ELAVL2: variants seen among roughly 807,000 people sequenced by gnomAD.
ELAVL2 encodes ELAV-like protein 2.
A neutral mutation model predicts 34.6 loss-of-function variants in ELAVL2; 4 were observed. The observed-to-expected ratio is 0.12, with a 90% CI of 0.06 to 0.26. ELAVL2 has a LOEUF of 0.26. Ranked by LOEUF, ELAVL2 falls within the 10% of genes least tolerant of loss-of-function variation. The pLI, the probability that ELAVL2 is intolerant of heterozygous loss-of-function variation, is 1.00. For synonymous variants in ELAVL2, 193 were observed against 154.8 expected (o/e 1.25, Z -1.83); for missense variants, 432 against 442.8 (o/e 0.98, Z 0.22).
At chr9:23,726,841 A>C (rs2134309888) in intron 3 of ELAVL2, among the ~76,000 whole-genome samples, 1 of 152,228 alleles carries the variant, frequency 6.6e-6, no homozygotes, top group African/African-American at 2.4e-5. Flanking sequence ...AAGACCCCTA[A>C]AAATAAAATG....
At chr9:23,834,093 A>G in the ELAVL2 span, among the ~76,000 whole-genome samples, 1 of 152,034 alleles carries the variant, frequency 6.6e-6, no homozygotes, top group East Asian at 1.9e-4. Context: ...ATTAGAGACA[A>G]TAAATGCTTG....
At chr9:23,790,664 C>G (rs1448945971) in intron 1 of ELAVL2, among the ~76,000 whole-genome samples, 1 of 152,186 alleles carries the variant, frequency 6.6e-6, no homozygotes, top group Admixed American at 6.5e-5. Context: ...GAGCAAATAA[C>G]TATAAACTGA....
At chr9:23,781,620 T>A (rs914900381) in intron 1 of ELAVL2, among the ~76,000 whole-genome samples, 1 of 150,892 alleles carries the variant, frequency 6.6e-6, no homozygotes, top group African/African-American at 2.4e-5. Flanking sequence ...GCTCAAGGGA[T>A]CCTCCTACCT....
chr9:23,738,992 A>G (rs952089406), intron 2 of ELAVL2, among the ~76,000 whole-genome samples: 1 of 152,108 alleles, frequency 6.6e-6, no homozygotes, highest in African/African-American at 2.4e-5. Flanking sequence ...AATATATCAC[A>G]TTTTCAGACA....
chr9:23,756,653 T>C (rs2053633038), intron 2 of ELAVL2, among the ~76,000 whole-genome samples: 1 of 152,174 alleles, frequency 6.6e-6, no homozygotes, highest in Non-Finnish European at 1.5e-5. Flanking sequence ...ACATGTCTAG[T>C]TCTGAAAGCT....
At chr9:23,770,590 G>A (rs1202913218) in intron 1 of ELAVL2, among the ~76,000 whole-genome samples, 1 of 152,094 alleles carries the variant, frequency 6.6e-6, no homozygotes, top group South Asian at 2.1e-4. Flanking sequence ...AGAAGAAATC[G>A]AAAGGACATT....
intron 1 of ELAVL2, among the ~76,000 whole-genome samples, chr9:23,768,636 T>C (rs1333915891): frequency 6.6e-6 from 1 of 152,116 alleles, no homozygotes; most frequent in Non-Finnish European, 1.5e-5. Flanking sequence ...ATTCCTATTA[T>C]ATGGTAAAAG....
intron 1 of ELAVL2, among the ~76,000 whole-genome samples, chr9:23,807,614 G>T (rs996273353): frequency 2.0e-5 from 3 of 151,956 alleles, no homozygotes; most frequent in African/African-American, 7.3e-5. Flanking sequence ...ATACTGGAAG[G>T]AACACAATAT....
chr9:23,722,578 A>T (rs967446407), intron 3 of ELAVL2, among the ~76,000 whole-genome samples: 1 of 152,214 alleles, frequency 6.6e-6, no homozygotes, highest in Non-Finnish European at 1.5e-5. Context: ...GCCCAAATTA[A>T]GGCCTCTCTC....
chr9:23,708,367 T>G (rs1377958959), intron 3 of ELAVL2, among the ~76,000 whole-genome samples: 1 of 152,236 alleles, frequency 6.6e-6, no homozygotes, highest in African/African-American at 2.4e-5. Flanking sequence ...TAGTATTTTA[T>G]AGCTGGGGAA....
chr9:23,749,139 G>A (rs1199177559), intron 2 of ELAVL2, among the ~76,000 whole-genome samples: 1 of 152,016 alleles, frequency 6.6e-6, no homozygotes, highest in East Asian at 1.9e-4. Context: ...TAAATTTTAT[G>A]TTATATTTTG....
chr9:23,742,271 T>C (rs1191572665), intron 2 of ELAVL2, among the ~76,000 whole-genome samples: 1 of 152,164 alleles, frequency 6.6e-6, no homozygotes, highest in Non-Finnish European at 1.5e-5. Flanking sequence ...CTCAATCCTC[T>C]TTCTGCCCCC....
At position 23,692,431 on chromosome 9, in the gene ELAVL2, C is replaced by G. The variant is rs1463540238; in HGVS notation, c.*126G>C. The G allele has an allele frequency of 4.0e-5, 38 of 939,880 alleles. No homozygotes were observed. The highest frequency in any genetic ancestry group is 5.9e-5 in the Non-Finnish European group (38 of 642,786). The allele number at this position is 939,880 out of a possible 1,614,324, so 58.2% of individuals were successfully genotyped here. On this transcript the variant is annotated 3_prime_UTR_variant, in exon 7 of 7. Coordinates refer to ENST00000397312, the MANE Select transcript of ELAVL2 (RefSeq NM_004432.5). ...AAAATCTCACATATTTCTTAGGATG[C>G]TAAGTAGTCATTTTATCCCCATCTC...
At chr9:23,771,381 A>G (rs1320853895) in intron 1 of ELAVL2, among the ~76,000 whole-genome samples, 2 of 152,120 alleles carry the variant, frequency 1.3e-5, no homozygotes, top group Non-Finnish European at 2.9e-5. Flanking sequence ...AAAGGAAGAG[A>G]TTTTATGGAC....
intron 2 of ELAVL2, among the ~76,000 whole-genome samples, chr9:23,748,553 A>T (rs1329825918): frequency 6.6e-6 from 1 of 152,192 alleles, no homozygotes; most frequent in Non-Finnish European, 1.5e-5. Flanking sequence ...GAGTGATAAG[A>T]GATTGAAGGC....
At chr9:23,726,976 C>G (rs1053658873) in intron 3 of ELAVL2, among the ~76,000 whole-genome samples, 1 of 152,064 alleles carries the variant, frequency 6.6e-6, no homozygotes, top group African/African-American at 2.4e-5. Flanking sequence ...CTTCTTCTCA[C>G]CAGCATACAA....
intron 6 of ELAVL2, 127 bp from the exon 7 acceptor site, chr9:23,693,011 T>G: frequency 1.2e-6 from 1 of 844,500 alleles, no homozygotes; most frequent in Non-Finnish European, 1.8e-6. Flanking sequence ...AACAAATATA[T>G]AAACTATTTC....
At chr9:23,716,958 C>A (rs1282056116) in intron 3 of ELAVL2, among the ~76,000 whole-genome samples, 1 of 152,022 alleles carries the variant, frequency 6.6e-6, no homozygotes, top group Non-Finnish European at 1.5e-5. Context: ...CTTTTATGAG[C>A]AGAGGAATGA....
At chr9:23,701,660 G>A in intron 4 of ELAVL2, 56 bp from the exon 5 acceptor site, 1 of 1,564,136 alleles carries the variant, frequency 6.4e-7, no homozygotes, top group Non-Finnish European at 8.8e-7. Flanking sequence ...AGAAGGGAAG[G>A]AGAGAAGAAA....
Sources: gnomAD v4.1 joint callset for allele counts (sites outside exome capture counted in the v4.1 genomes callset) on GRCh38, gnomAD v4.1.1 for gene constraint, MANE v1.5 for transcripts, NCBI Gene and HGNC (gene_info 2026-07-23, HGNC 2026-07-21) for gene names.